Variants in CYFIP2 observed in about 807,000 individuals in gnomAD.
CYFIP2 encodes the protein cytoplasmic FMR1 interacting protein 2.
CYFIP2 carries 29 observed loss-of-function variants against 158.7 expected under a neutral mutation model. The observed-to-expected ratio is 0.18, with a 90% confidence interval of 0.14 to 0.25. The LOEUF is 0.25. Ranked by LOEUF, CYFIP2 falls within the 10% of genes least tolerant of loss-of-function variation. The pLI is 1.00. For missense variants in CYFIP2, 852 were observed against 1,639.5 expected (o/e 0.52, Z 8.29); for synonymous variants, 585 against 617.6 (o/e 0.95, Z 0.78).
chr5:157,296,767 A>G lies in CYFIP2; in HGVS notation c.380A>G (p.Tyr127Cys), dbSNP rs1758287832. ...GTCACCAAGCTCATGAAGTTCATGT[A>G]TTTTCAGGTGAGTGGGGAGGGGCAG... ...PEVTKLMKFM[Y>C]FQRKAIERFC... is the part of the protein sequence containing the mutation. The change falls in exon 5 of 31, where the codon TAT (tyrosine) becomes TGT (cysteine). Residue 127 changes from tyrosine (Y) to cysteine (C), a missense_variant. Physicochemically the swap from Tyr to Cys is radical, Grantham distance 194 (BLOSUM62 -2). Coordinates refer to ENST00000620254, the MANE Select transcript of CYFIP2 (RefSeq NM_001037333.3). 6.2e-7 allele frequency: 1 copy of G among 1,612,964 alleles called. No homozygotes were observed. The highest frequency in any genetic ancestry group is 1.3e-5 in the African/African-American group (1 of 74,846).
At chr5:157,291,017 G>GT (rs1454594386) in intron 3 of CYFIP2, among the ~76,000 whole-genome samples, 1 of 152,176 alleles carries the variant, frequency 6.6e-6, no homozygotes, top group African/African-American at 2.4e-5. Flanking sequence ...CTCACATTGG[G>GT]TTTAAGTCAT....
At chr5:157,300,268 C>T (rs1758628349) in intron 5 of CYFIP2, among the ~76,000 whole-genome samples, 1 of 152,084 alleles carries the variant, frequency 6.6e-6, no homozygotes, top group Non-Finnish European at 1.5e-5. Flanking sequence ...TATGGTGGCT[C>T]ATGCCTGTAA....
intron 3 of CYFIP2, among the ~76,000 whole-genome samples, chr5:157,288,431 G>A (rs1001313989): frequency 3.9e-5 from 6 of 152,166 alleles, no homozygotes; most frequent in Non-Finnish European, 8.8e-5. Flanking sequence ...GTTATCTCCC[G>A]TAACCTTGTG....
In CYFIP2 at chr5:157,386,371, C is replaced by CCATA. The variant is rs549189021; in HGVS notation, c.3208-2816_3208-2813dup. ...AAGCTGGGATGACAGGCGCACAACACCATACCTGGATAATTTTTTTTTTAT... is the reference window on the plus strand; with the variant it reads ...AAGCTGGGATGACAGGCGCACAACACCATACATACCTGGATAATTTTTTTTTTAT... On this transcript the variant is annotated intron_variant, in intron 28 of 30. Coordinates refer to ENST00000620254, the MANE Select transcript of CYFIP2 (RefSeq NM_001037333.3). Among the ~76,000 whole-genome samples, 7 of 152,062 alleles carry CCATA rather than the reference C, an allele frequency of 4.6e-5. No homozygotes were observed. The East Asian group carries it at 9.6e-4, about 21-fold the overall frequency.
rs533721354 is a variant in CYFIP2, at chr5:157,349,476, T to G, written c.2673+8319T>G. Among the ~76,000 whole-genome samples the G allele has an allele frequency of 1.1e-4, 16 of 152,378 alleles. No homozygotes were observed. The South Asian group carries it at 3.3e-3, about 32-fold the overall frequency. ...CATTGCTTTTTATGGCTGAGTAGTA[T>G]TCCATGATGTATACATGCCACATTT... On this transcript the variant is annotated intron_variant, in intron 23 of 30. Transcript: ENST00000620254.
chr5:157,360,499 C>A, intron 25 of CYFIP2, 127 bp downstream of exon 25: 1 of 681,622 alleles, frequency 1.5e-6, no homozygotes, highest in South Asian at 1.9e-5. Context: ...CCATCCTACC[C>A]CGCCACTAGC....
intron 6 of CYFIP2, among the ~76,000 whole-genome samples, chr5:157,301,150 A>G (rs1410891166): frequency 1.3e-5 from 2 of 152,212 alleles, no homozygotes. Context: ...CAGTTCCCCC[A>G]TCTCTGGAGC....
chr5:157,337,130 G>C (rs1387191753), intron 21 of CYFIP2, among the ~76,000 whole-genome samples: 1 of 152,078 alleles, frequency 6.6e-6, no homozygotes, highest in African/African-American at 2.4e-5. Flanking sequence ...CTTACTCCAT[G>C]TATTTTTTAT....
chr5:157,286,135 A>C (rs982349550), intron 2 of CYFIP2, among the ~76,000 whole-genome samples: 1 of 152,214 alleles, frequency 6.6e-6, no homozygotes, highest in East Asian at 1.9e-4. Flanking sequence ...CTTAAATTTC[A>C]TTCAGTAGAT....
At chr5:157,342,812 C>G (rs1181005981) in intron 23 of CYFIP2, 2 of 1,531,240 alleles carry the variant, frequency 1.3e-6, no homozygotes, top group East Asian at 4.5e-5. Context: ...AAACGACCTA[C>G]TGTGTGGAAA....
At chr5:157,326,076 A>T in intron 17 of CYFIP2, 95 bp from the exon 18 acceptor site, 1 of 944,746 alleles carries the variant, frequency 1.1e-6, no homozygotes, top group Non-Finnish European at 1.7e-6. Context: ...TCTTTTCCTG[A>T]CTGTGAACTT....
intron 28 of CYFIP2, among the ~76,000 whole-genome samples, chr5:157,385,338 C>T (rs1766567830): frequency 6.6e-6 from 1 of 152,198 alleles, no homozygotes; most frequent in Non-Finnish European, 1.5e-5. Context: ...TTATAAGTCT[C>T]CCATTCCTCA....
intron 2 of CYFIP2, among the ~76,000 whole-genome samples, 166 bp downstream of exon 2, chr5:157,285,644 T>G (rs903088370): frequency 6.6e-6 from 1 of 152,168 alleles, no homozygotes; most frequent in Admixed American, 6.5e-5. Flanking sequence ...AGGAACAGAT[T>G]AGCTACTAAA....
At chr5:157,300,392 G>T (rs192996545) in intron 5 of CYFIP2, among the ~76,000 whole-genome samples, 47 of 152,048 alleles carry the variant, frequency 3.1e-4, no homozygotes, top group South Asian at 6.2e-4. Context: ...AAAATTAGCT[G>T]GGCATGGTGG....
chr5:157,359,888 A>G (rs764250713), intron 24 of CYFIP2, among the ~76,000 whole-genome samples: 1 of 152,204 alleles, frequency 6.6e-6, no homozygotes, highest in Non-Finnish European at 1.5e-5. Context: ...AAACAAGAAA[A>G]TGTGGTAATT....
At position 157,393,110 on chromosome 5, in the gene CYFIP2, A is replaced by C; in HGVS notation, c.*110A>C. On this transcript the variant is annotated 3_prime_UTR_variant, in exon 31 of 31. Transcript: ENST00000620254. ...TGGACAACGTGTGGGATGGACCTGG[A>C]AACAAGCACCTCCCCAAACACATCA... 7.6e-7 allele frequency: 1 copy of C among 1,308,556 alleles called. No homozygotes were observed. Among genetic ancestry groups the C allele is most frequent in the African/African-American group, 1.5e-5 (1 of 67,624 alleles). 81.1% of individuals were successfully genotyped at this position (1,308,556 alleles called of 1,614,324 possible). A position where few individuals can be genotyped will look rare whatever the true frequency, so the allele number is the denominator to read the frequency against.
At chr5:157,303,327 A>G (rs1758936656) in intron 7 of CYFIP2, among the ~76,000 whole-genome samples, 1 of 152,226 alleles carries the variant, frequency 6.6e-6, no homozygotes, top group South Asian at 2.1e-4. Flanking sequence ...ATACCAGTAT[A>G]TGAAAAGTCC....
chr5:157,366,442 G>A (rs1316338163), intron 26 of CYFIP2, among the ~76,000 whole-genome samples: 4 of 152,132 alleles, frequency 2.6e-5, no homozygotes, highest in South Asian at 2.1e-4. Flanking sequence ...CTACTCTAAC[G>A]CGTGAAGATG....
intron 8 of CYFIP2, among the ~76,000 whole-genome samples, chr5:157,305,577 C>G (rs985829187): frequency 6.6e-6 from 1 of 152,224 alleles, no homozygotes; most frequent in African/African-American, 2.4e-5. Flanking sequence ...GTGGCACAAT[C>G]ATGGTTCACT....
Sources: allele counts gnomAD v4.1 joint callset (sites outside exome capture counted in the v4.1 genomes callset), GRCh38; gene constraint gnomAD v4.1.1; transcripts MANE v1.5; gene names NCBI Gene and HGNC (gene_info 2026-07-23, HGNC 2026-07-21).